FNDC3B: variants seen among roughly 807,000 people sequenced by gnomAD.
FNDC3B encodes the protein fibronectin type III domain containing 3B.
Under a neutral mutation model 151.5 loss-of-function variants are expected in FNDC3B, and 12 were observed. The ratio of observed to expected loss-of-function variants is 0.08; its 90% confidence interval spans 0.05 to 0.13. FNDC3B has a LOEUF of 0.13. Ranked by LOEUF, FNDC3B falls within the 10% of genes least tolerant of loss-of-function variation. FNDC3B has a pLI of 1.00. For missense variants in FNDC3B, 1,214 were observed against 1,505.3 expected (o/e 0.81, Z 3.20); for synonymous variants, 528 against 549.0 (o/e 0.96, Z 0.54).
chr3:172,252,583 G>A (rs2108777568), intron 6 of FNDC3B, among the ~76,000 whole-genome samples: 1 of 152,050 alleles, frequency 6.6e-6, no homozygotes, highest in African/African-American at 2.4e-5. Context: ...GAATGAAAAA[G>A]ATGGAATATG....
chr3:172,204,007 G>A (rs753996705), intron 3 of FNDC3B, among the ~76,000 whole-genome samples: 7 of 152,180 alleles, frequency 4.6e-5, no homozygotes, highest in Non-Finnish European at 1.0e-4. Context: ...CCAGCGTCTC[G>A]TTCTTTCTGC....
chr3:172,286,201 CTTTA>C (rs1187759967), intron 7 of FNDC3B, among the ~76,000 whole-genome samples: 1 of 152,000 alleles, frequency 6.6e-6, no homozygotes, highest in Non-Finnish European at 1.5e-5. Context: ...GAAATGTCTT[CTTTA>C]TTTAGGTATT....
chr3:172,307,869 G>C (rs961750419), intron 10 of FNDC3B, among the ~76,000 whole-genome samples: 1 of 152,162 alleles, frequency 6.6e-6, no homozygotes, highest in African/African-American at 2.4e-5. Flanking sequence ...TCTAGCTTTA[G>C]CTTTTTTTTG....
intron 1 of FNDC3B, among the ~76,000 whole-genome samples, chr3:172,062,209 A>G (rs1237642235): frequency 1.3e-5 from 2 of 151,492 alleles, no homozygotes; most frequent in East Asian, 3.9e-4. Context: ...GCTATATACA[A>G]ATTTATTCTT....
At chr3:172,102,400 T>A (rs190297015) in intron 1 of FNDC3B, among the ~76,000 whole-genome samples, 63 of 152,314 alleles carry the variant, frequency 4.1e-4, no homozygotes, top group African/African-American at 1.3e-3. Flanking sequence ...CAACACATTT[T>A]TTTTTTCTTC....
At chr3:172,355,575 G>A (rs998753301) in intron 22 of FNDC3B, among the ~76,000 whole-genome samples, 1 of 152,124 alleles carries the variant, frequency 6.6e-6, no homozygotes, top group Non-Finnish European at 1.5e-5. Flanking sequence ...TGATGCTTAT[G>A]AAACTTGAAA....
chr3:172,139,222 T>G (rs1275999242), intron 3 of FNDC3B, among the ~76,000 whole-genome samples: 3 of 152,220 alleles, frequency 2.0e-5, no homozygotes, highest in Non-Finnish European at 4.4e-5. Flanking sequence ...TTAGACTTGT[T>G]TGGCACACTA....
At chr3:172,090,699 A>G (rs887997598) in intron 1 of FNDC3B, among the ~76,000 whole-genome samples, 2 of 152,198 alleles carry the variant, frequency 1.3e-5, no homozygotes, top group African/African-American at 4.8e-5. Context: ...GATAATACAG[A>G]TTGAGTATCT....
chr3:172,353,962 G>GGA (rs1553795377), intron 22 of FNDC3B, among the ~76,000 whole-genome samples: 9 of 148,612 alleles, frequency 6.1e-5, no homozygotes, highest in Admixed American at 4.0e-4. Flanking sequence ...TGATCTTGGG[G>GGA]AAAAAAAAAA....
Position 172,397,600 on chromosome 3 carries a change from G to GA in FNDC3B, c.*133dup, listed in dbSNP as rs535706239. The stretch of plus-strand genomic sequence containing the variant: ...ATACTCTGTTTTACAGATTTAGCTA[G>GA]AAAAAAAATGTCAGTGTTTTGGTGC... On this transcript the variant is annotated 3_prime_UTR_variant, in exon 26 of 26. Coordinates refer to ENST00000415807, the MANE Select transcript of FNDC3B (RefSeq NM_022763.4). 5.0e-4 allele frequency: 242 copies of GA among 486,808 alleles called. 2 individuals are homozygous for GA. The highest frequency in any genetic ancestry group is 4.5e-3 in the African/African-American group (218 of 48,366). 30.2% of individuals were successfully genotyped at this position (486,808 alleles called of 1,614,324 possible).
At chr3:172,236,714 G>C (rs963776209) in intron 4 of FNDC3B, among the ~76,000 whole-genome samples, 5 of 152,190 alleles carry the variant, frequency 3.3e-5, no homozygotes, top group African/African-American at 1.2e-4. Flanking sequence ...CTGGGCTATA[G>C]TAAAGTGGAG....
chr3:172,127,953 C>T (rs558278364), intron 2 of FNDC3B, among the ~76,000 whole-genome samples: 18 of 152,292 alleles, frequency 1.2e-4, no homozygotes, highest in East Asian at 3.9e-4. Context: ...CCACCACACC[C>T]GGCCGAGGAT....
intron 14 of FNDC3B, among the ~76,000 whole-genome samples, chr3:172,334,245 C>T (rs1437297223): frequency 6.6e-6 from 1 of 152,114 alleles, no homozygotes. Flanking sequence ...GCTATGAGAA[C>T]ATAGCTATAC....
chr3:172,261,337 C>T (rs994909118), intron 6 of FNDC3B, among the ~76,000 whole-genome samples: 1 of 152,128 alleles, frequency 6.6e-6, no homozygotes, highest in East Asian at 1.9e-4. Context: ...ATGTCAACAT[C>T]GATTTTGTCA....
At chr3:172,382,898 G>A (rs1735532424) in intron 25 of FNDC3B, among the ~76,000 whole-genome samples, 1 of 152,160 alleles carries the variant, frequency 6.6e-6, no homozygotes, top group Non-Finnish European at 1.5e-5. Flanking sequence ...AAGTCAGGTA[G>A]CATGATGCCT....
At chr3:172,370,458 G>C (rs1383878359) in intron 23 of FNDC3B, among the ~76,000 whole-genome samples, 1 of 152,142 alleles carries the variant, frequency 6.6e-6, no homozygotes, top group East Asian at 1.9e-4. Context: ...TCTTCCCCAA[G>C]AATTTCTGGA....
chr3:172,186,958 CA>C (rs765091499), intron 3 of FNDC3B: 23 of 511,856 alleles, frequency 4.5e-5, no homozygotes, highest in Non-Finnish European at 7.2e-5. Flanking sequence ...TAGCTAAAAG[CA>C]AGGAACTATA....
chr3:172,284,864 T>C (rs1302736447), intron 6 of FNDC3B, among the ~76,000 whole-genome samples: 3 of 151,580 alleles, frequency 2.0e-5, no homozygotes, highest in African/African-American at 4.9e-5. Flanking sequence ...TTAGTGATCA[T>C]ATCTCGCTAG....
At chr3:172,301,181 G>A (rs765934915) in intron 9 of FNDC3B, among the ~76,000 whole-genome samples, 3 of 152,172 alleles carry the variant, frequency 2.0e-5, no homozygotes, top group Non-Finnish European at 4.4e-5. Flanking sequence ...AAATATATGT[G>A]CAAATCTATT....
Sources: allele counts gnomAD v4.1 joint callset (sites outside exome capture counted in the v4.1 genomes callset), GRCh38; gene constraint gnomAD v4.1.1; transcripts MANE v1.5; gene names NCBI Gene and HGNC (gene_info 2026-07-23, HGNC 2026-07-21).